WWOX: variants seen among roughly 807,000 people sequenced by gnomAD.
The protein encoded by WWOX is WW domain-containing oxidoreductase.
WWOX carries 69 observed loss-of-function variants against 46.2 expected under a neutral mutation model. That is an observed-to-expected ratio of 1.49 (90% CI 1.23 to 1.82). The LOEUF is 1.82. Ranked by LOEUF, WWOX falls within the 40% of genes most tolerant of loss-of-function variation. The probability of loss-of-function intolerance (pLI) is 0.00; values close to 1 mark genes in which losing one functional copy is unlikely to be tolerated. For missense variants in WWOX, 919 were observed against 542.6 expected (o/e 1.69, Z -6.89); for synonymous variants, 359 against 202.6 (o/e 1.77, Z -6.56).
chr16:78,107,570 A>G (rs1567573484), intron 1 of WWOX, among the ~76,000 whole-genome samples: 1 of 152,136 alleles, frequency 6.6e-6, no homozygotes, highest in South Asian at 2.1e-4. Context: ...CACAGCGCAC[A>G]GCTAGATGCC....
chr16:78,507,878 C>T lies in WWOX; in HGVS notation c.1056+75126C>T, dbSNP rs113075094. Among the ~76,000 whole-genome samples, 465 of 152,238 alleles carry T rather than the reference C, an allele frequency of 3.1e-3. 1 individual carries two copies. The highest frequency in any genetic ancestry group is 0.011 in the African/African-American group (447 of 41,526). The stretch of plus-strand genomic sequence containing the variant: ...CCCATGGCCCCCGGGTCGCATGTGG[C>T]CCAGGACAGCTTTGAATGTGGCCCC... On this transcript the variant is annotated intron_variant, in intron 8 of 8. Transcript: ENST00000566780.
intron 8 of WWOX, among the ~76,000 whole-genome samples, chr16:79,091,286 CT>C (rs375647484): frequency 1.4e-3 from 210 of 149,672 alleles, no homozygotes; most frequent in African/African-American, 4.7e-3. Context: ...TTTAATGCTG[CT>C]TTTTTTTTTC....
intron 8 of WWOX, among the ~76,000 whole-genome samples, chr16:78,450,043 C>T (rs1000013260): frequency 1.3e-5 from 2 of 151,856 alleles, no homozygotes; most frequent in South Asian, 4.2e-4. Flanking sequence ...AAAATAACCA[C>T]CCGTTACTTT....
rs1377213961 is a variant in WWOX, at chr16:78,996,386, C to CG, written c.1057-215222_1057-215221insG. 1.1e-5 allele frequency: 9 copies of CG among 811,998 alleles called. 1 individual carries two copies. In the Admixed American group the frequency reaches 4.0e-4, roughly 36 times the overall value. The allele number at this position is 811,998 out of a possible 1,614,324, so 50.3% of individuals were successfully genotyped here. ...GTGAATTCTGCACCCACCCCCGCCC[C>CG]CCAGCTTCCCCACCTGTAAAATGAT... On this transcript the variant is annotated intron_variant, in intron 8 of 8. Coordinates refer to ENST00000566780, the MANE Select transcript of WWOX (RefSeq NM_016373.4).
chr16:78,312,535 C>T (rs28504991), intron 5 of WWOX, among the ~76,000 whole-genome samples: 17,690 of 151,958 alleles, frequency 0.12, 1,347 homozygotes, highest in African/African-American at 0.2. Context: ...CCACCATGCC[C>T]AGCTAACTTT....
chr16:78,900,896 A>T (rs781172544), intron 8 of WWOX, among the ~76,000 whole-genome samples: 1 of 152,092 alleles, frequency 6.6e-6, no homozygotes, highest in African/African-American at 2.4e-5. Flanking sequence ...AGATGGCTAC[A>T]ATACAGATTC....
chr16:78,127,528 A>AAC, intron 4 of WWOX, among the ~76,000 whole-genome samples: 1 of 149,066 alleles, frequency 6.7e-6, no homozygotes, highest in Middle Eastern at 3.5e-3. Flanking sequence ...AAAAAAAAAA[A>AAC]ACCACCGAGA....
intron 8 of WWOX, among the ~76,000 whole-genome samples, chr16:79,047,007 A>T (rs1055764953): frequency 6.6e-6 from 1 of 152,214 alleles, no homozygotes; most frequent in East Asian, 1.9e-4. Context: ...CAATAAAGCA[A>T]CTGACCTTTT....
chr16:78,130,600 C>G (rs2033550333), intron 4 of WWOX, among the ~76,000 whole-genome samples: 1 of 152,194 alleles, frequency 6.6e-6, no homozygotes, highest in Admixed American at 6.5e-5. Context: ...CAGGCACAGG[C>G]TATTTTCCAT....
intron 6 of WWOX, among the ~76,000 whole-genome samples, chr16:78,388,414 A>G (rs1025157020): frequency 6.6e-6 from 1 of 152,082 alleles, no homozygotes; most frequent in African/African-American, 2.4e-5. Context: ...TGGGAGGCCA[A>G]GGCGGGGAGG....
chr16:78,586,513 A>G (rs893926571), intron 8 of WWOX, among the ~76,000 whole-genome samples: 7 of 152,134 alleles, frequency 4.6e-5, no homozygotes, highest in Admixed American at 4.6e-4. Context: ...TGTTTTACTC[A>G]TTGTCTAATT....
chr16:79,085,786 C>T (rs920068399), intron 8 of WWOX, among the ~76,000 whole-genome samples: 3 of 152,138 alleles, frequency 2.0e-5, no homozygotes, highest in African/African-American at 7.2e-5. Flanking sequence ...TGGCTCACAC[C>T]TGTAATCCCA....
intron 8 of WWOX, among the ~76,000 whole-genome samples, chr16:78,461,089 G>A (rs1414431367): frequency 1.3e-5 from 2 of 152,166 alleles, no homozygotes; most frequent in East Asian, 3.9e-4. Context: ...TTGGAAGCTT[G>A]ATGCCATAAC....
chr16:78,634,843 T>A (rs62036060), intron 8 of WWOX, among the ~76,000 whole-genome samples: 46,193 of 105,018 alleles, frequency 0.44, 8,572 homozygotes, highest in Middle Eastern at 0.6. Flanking sequence ...AGAGAGTGTG[T>A]GTGTGTGTGT....
intron 5 of WWOX, among the ~76,000 whole-genome samples, chr16:78,166,436 C>T (rs910645457): frequency 2.6e-5 from 4 of 152,156 alleles, no homozygotes; most frequent in Non-Finnish European, 4.4e-5. Flanking sequence ...TCTTTATTTA[C>T]GTATTTGTGA....
At chr16:79,158,464 T>G (rs1020721249) in intron 8 of WWOX, among the ~76,000 whole-genome samples, 1 of 151,670 alleles carries the variant, frequency 6.6e-6, no homozygotes, top group African/African-American at 2.4e-5. Flanking sequence ...AACTCTGCTT[T>G]AAACCCCTTC....
chr16:78,260,358 G>C (rs1045472474), intron 5 of WWOX, among the ~76,000 whole-genome samples: 2 of 151,580 alleles, frequency 1.3e-5, no homozygotes, highest in African/African-American at 4.9e-5. Flanking sequence ...ATCGAAGCCA[G>C]ATAAATTCAC....
intron 8 of WWOX, among the ~76,000 whole-genome samples, chr16:78,807,781 G>T (rs976580828): frequency 3.3e-5 from 5 of 152,198 alleles, no homozygotes; most frequent in Admixed American, 3.3e-4. Context: ...GTCTGATACG[G>T]TAGCCATTAG....
intron 8 of WWOX, among the ~76,000 whole-genome samples, chr16:78,758,541 T>C (rs2049714278): frequency 6.6e-6 from 1 of 152,208 alleles, no homozygotes; most frequent in African/African-American, 2.4e-5. Flanking sequence ...AACGCCACTA[T>C]CTATACTTTT....
Sources: gnomAD v4.1 joint callset for allele counts (sites outside exome capture counted in the v4.1 genomes callset) on GRCh38, gnomAD v4.1.1 for gene constraint, MANE v1.5 for transcripts, NCBI Gene and HGNC (gene_info 2026-07-23, HGNC 2026-07-21) for gene names.